RALGAPA1: variants seen among roughly 807,000 people sequenced by gnomAD.
RALGAPA1 encodes Ral GTPase activating protein catalytic subunit alpha 1, also known as ral GTPase-activating protein subunit alpha-1.
Under a neutral mutation model 269.6 loss-of-function variants are expected in RALGAPA1, and 52 were observed. That is an observed-to-expected ratio of 0.19 (90% CI 0.15 to 0.24). The LOEUF is 0.24. Among genes scored for constraint, RALGAPA1 ranks in the 10% least tolerant of loss-of-function variants. The pLI, the probability that RALGAPA1 is intolerant of heterozygous loss-of-function variation, is 1.00. For synonymous variants in RALGAPA1, 817 were observed against 1,008.3 expected, an observed-to-expected ratio of 0.81 and a Z score of 3.60; for missense variants, 1,917 against 3,013.9, an observed-to-expected ratio of 0.64 and a Z score of 8.52.
At chr14:35,719,421 A>G (rs1390850149) in intron 16 of RALGAPA1, among the ~76,000 whole-genome samples, 1 of 152,228 alleles carries the variant, frequency 6.6e-6, no homozygotes, top group East Asian at 1.9e-4. Flanking sequence ...CTTTCTTAAC[A>G]AATTTTTAAG....
At chr14:35,728,213 C>T in intron 13 of RALGAPA1, 149 bp downstream of exon 13, 3 of 762,636 alleles carry the variant, frequency 3.9e-6, no homozygotes, top group Non-Finnish European at 5.4e-6. Flanking sequence ...GGAACTATTG[C>T]CACTATGATT....
chr14:35,677,885 T>C (rs1440492012), intron 22 of RALGAPA1, 65 bp downstream of exon 22: 1 of 1,466,824 alleles, frequency 6.8e-7, no homozygotes, highest in East Asian at 2.3e-5. Context: ...AGATGCCTTA[T>C]TTATGATCTC....
At chr14:35,590,573 G>A (rs898329921) in intron 37 of RALGAPA1, among the ~76,000 whole-genome samples, 2 of 152,128 alleles carry the variant, frequency 1.3e-5, no homozygotes, top group Non-Finnish European at 2.9e-5. Flanking sequence ...GTGGCCTGCC[G>A]CCATGTAAGA....
chr14:35,649,728 C>A (rs1284594757), intron 31 of RALGAPA1, among the ~76,000 whole-genome samples: 1 of 152,100 alleles, frequency 6.6e-6, no homozygotes, highest in Non-Finnish European at 1.5e-5. Flanking sequence ...TTTCTCTATT[C>A]TACCTTGTAT....
chr14:35,697,706 C>CT (rs1269533261), intron 17 of RALGAPA1, among the ~76,000 whole-genome samples: 2 of 151,530 alleles, frequency 1.3e-5, no homozygotes, highest in Non-Finnish European at 2.9e-5. Flanking sequence ...TTGATTTGCA[C>CT]TATGAATCTT....
chr14:35,718,080 A>C (rs1393729994), intron 16 of RALGAPA1, among the ~76,000 whole-genome samples: 1 of 152,094 alleles, frequency 6.6e-6, no homozygotes, highest in African/African-American at 2.4e-5. Flanking sequence ...TCCCTACTTA[A>C]AACAGTCGTC....
At chr14:35,723,338 TA>T in intron 14 of RALGAPA1, 74 bp from the exon 15 acceptor site, 5 of 812,696 alleles carry the variant, frequency 6.2e-6, no homozygotes, top group South Asian at 2.2e-5. Context: ...ATTCAATTCT[TA>T]AAAAAATTAC....
chr14:35,618,232 A>T (rs1238451565), intron 35 of RALGAPA1, among the ~76,000 whole-genome samples: 2 of 152,170 alleles, frequency 1.3e-5, no homozygotes, highest in Non-Finnish European at 2.9e-5. Context: ...ACCGAACTCA[A>T]AATGAAATTC....
At chr14:35,784,813 A>T (rs1412944670) in intron 1 of RALGAPA1, among the ~76,000 whole-genome samples, 2 of 152,226 alleles carry the variant, frequency 1.3e-5, no homozygotes, top group East Asian at 1.9e-4. Flanking sequence ...GCTAGTTACT[A>T]GTATACCATT....
At chr14:35,621,071 A>G (rs1404055032) in intron 35 of RALGAPA1, among the ~76,000 whole-genome samples, 1 of 152,202 alleles carries the variant, frequency 6.6e-6, no homozygotes, top group Non-Finnish European at 1.5e-5. Flanking sequence ...CCTAAGCAAA[A>G]AGAACAAAGC....
chr14:35,688,395 G>A (rs777270841), intron 18 of RALGAPA1, 64 bp downstream of exon 18: 13 of 1,525,946 alleles, frequency 8.5e-6, no homozygotes, highest in Non-Finnish European at 1.1e-5. Context: ...GCTTGCTTCA[G>A]TTGCATTAAG....
intron 16 of RALGAPA1, among the ~76,000 whole-genome samples, chr14:35,713,103 T>C (rs1044833172): frequency 5.3e-5 from 8 of 152,220 alleles, no homozygotes; most frequent in Non-Finnish European, 1.2e-4. Context: ...AATTTGAAAT[T>C]ATTCTCAATA....
intron 1 of RALGAPA1, among the ~76,000 whole-genome samples, chr14:35,806,136 C>G (rs1476480050): frequency 6.6e-6 from 1 of 151,762 alleles, no homozygotes; most frequent in Non-Finnish European, 1.5e-5. Context: ...TATTGTGTGC[C>G]AATTATACCT....
At chr14:35,647,575 A>G (rs1190578619) in intron 31 of RALGAPA1, among the ~76,000 whole-genome samples, 3 of 152,248 alleles carry the variant, frequency 2.0e-5, no homozygotes, top group Admixed American at 2.0e-4. Flanking sequence ...ATTAGAAGAT[A>G]CTGGAATGCA....
chr14:35,634,537 C>G, intron 33 of RALGAPA1, 37 bp downstream of exon 33: 6 of 1,531,748 alleles, frequency 3.9e-6, no homozygotes, highest in African/African-American at 1.4e-5. Flanking sequence ...TGAGAGAACC[C>G]AAGCAACAAT....
intron 27 of RALGAPA1, among the ~76,000 whole-genome samples, chr14:35,664,195 C>T (rs2063755394): frequency 1.3e-5 from 2 of 152,204 alleles, no homozygotes; most frequent in South Asian, 4.1e-4. Flanking sequence ...GCCTCTGGTA[C>T]ATGGGATCTC....
chr14:35,643,473 G>A (rs917935461), intron 31 of RALGAPA1, among the ~76,000 whole-genome samples: 7 of 152,108 alleles, frequency 4.6e-5, no homozygotes, highest in African/African-American at 1.2e-4. Flanking sequence ...GAACAGTTTC[G>A]AGGTTCCTCA....
intron 41 of RALGAPA1, chr14:35,542,067 G>A (rs1566635386): frequency 8.8e-7 from 1 of 1,134,854 alleles, no homozygotes; most frequent in Admixed American, 2.4e-5. Context: ...AAGAAAAGAA[G>A]AAAAAAGGTC....
intron 1 of RALGAPA1, among the ~76,000 whole-genome samples, chr14:35,782,508 A>G (rs1371695011): frequency 6.6e-6 from 1 of 151,974 alleles, no homozygotes; most frequent in Non-Finnish European, 1.5e-5. Flanking sequence ...ATCTCGGCTC[A>G]TTGCAACCTC....
Sources: gnomAD v4.1 joint callset for allele counts (sites outside exome capture counted in the v4.1 genomes callset) on GRCh38, gnomAD v4.1.1 for gene constraint, MANE v1.5 for transcripts, NCBI Gene and HGNC (gene_info 2026-07-23, HGNC 2026-07-21) for gene names.